The following PWWP2B variants were observed in gnomAD, a reference collection of about 807,000 sequenced individuals.
PWWP2B encodes the protein PWWP domain-containing protein 2B.
PWWP2B carries 9 observed loss-of-function variants against 15.5 expected under a neutral mutation model. The observed-to-expected ratio is 0.58, with a 90% CI of 0.35 to 1.02. The LOEUF (loss-of-function observed/expected upper bound fraction) is 1.02, where lower values mean the gene tolerates loss of function less well. Ranked by LOEUF, PWWP2B falls within the 50% of genes least tolerant of loss-of-function variation. The pLI is 0.02. For synonymous variants in PWWP2B, 474 were observed against 403.6 expected, an observed-to-expected ratio of 1.17 and a Z score of -2.09; for missense variants, 864 against 865.3, an observed-to-expected ratio of 1.00 and a Z score of 0.02.
intron 2 of PWWP2B, among the ~76,000 whole-genome samples, chr10:132,415,343 C>T (rs2069832777): frequency 6.6e-6 from 1 of 150,806 alleles, no homozygotes; most frequent in African/African-American, 2.4e-5. Context: ...CACACATATC[C>T]ACTCACACAC....
intron 1 of PWWP2B, among the ~76,000 whole-genome samples, chr10:132,404,048 ACGG>A (rs2069648254): frequency 1.8e-5 from 1 of 55,048 alleles, no homozygotes; most frequent in Non-Finnish European, 3.4e-5. Flanking sequence ...CTCCTGCAGG[ACGG>A]CATTCTCCAG....
At chr10:132,404,452 G>A (rs1159459607) in intron 1 of PWWP2B, among the ~76,000 whole-genome samples, 174 bp from the exon 2 acceptor site, 2 of 152,164 alleles carry the variant, frequency 1.3e-5, no homozygotes, top group Non-Finnish European at 2.9e-5. Flanking sequence ...CAGGACATAC[G>A]TAGGGAGCAT....
intron 1 of PWWP2B, among the ~76,000 whole-genome samples, chr10:132,400,396 C>T (rs1021333744): frequency 9.2e-5 from 14 of 152,136 alleles, no homozygotes; most frequent in African/African-American, 2.9e-4. Flanking sequence ...ATGCTGACGG[C>T]TCATAAACCC....
At chr10:132,413,443 T>C (rs1455614053) in intron 2 of PWWP2B, among the ~76,000 whole-genome samples, 1 of 152,174 alleles carries the variant, frequency 6.6e-6, no homozygotes, top group East Asian at 1.9e-4. Flanking sequence ...GCCCGTCTTT[T>C]TGTCCTGGGG....
chr10:132,415,284 TCA>T (rs762845811), intron 2 of PWWP2B, among the ~76,000 whole-genome samples: 7 of 122,194 alleles, frequency 5.7e-5, no homozygotes, highest in African/African-American at 1.6e-4. Flanking sequence ...ACATCCACTC[TCA>T]CACACATATC....
chr10:132,415,493 TCACA>T (rs146296023), intron 2 of PWWP2B, among the ~76,000 whole-genome samples: 8 of 122,100 alleles, frequency 6.6e-5, no homozygotes, highest in Admixed American at 7.8e-5. Context: ...ACACACCCAC[TCACA>T]CACATCCACT....
rs1425772073 is a variant in PWWP2B at position 132,405,007 on chromosome 10, C to G, written c.507C>G (p.Ile169Met). 2 of 1,541,932 alleles carry G rather than the reference C, an allele frequency of 1.3e-6. No individual in the cohort carries two copies. Among genetic ancestry groups the G allele is most frequent in the African/African-American group, 2.8e-5 (2 of 72,692 alleles). ...RDPGRLILST[I>M]RLRPRQVLCE... is the part of the protein sequence containing the mutation. ...CGGGGCGCCTCATCCTCAGCACCATCCGCCTGCGGCCGCGCCAGGTGCTCT... is the reference window on the plus strand; with the variant it reads ...CGGGGCGCCTCATCCTCAGCACCATGCGCCTGCGGCCGCGCCAGGTGCTCT... Residue 169 changes from isoleucine to methionine, a missense_variant, in exon 2 of 3, where the codon ATC becomes ATG. By Grantham distance (10) the Ile-to-Met change is conservative. This residue lies in a region of PWWP2B where 736 missense variants were observed against 687.7 expected (regional missense o/e 1.07). Transcript: ENST00000305233.
rs145933816 is a variant in PWWP2B, at chr10:132,405,915, T to C, written c.1415T>C (p.Leu472Pro). 236 of 1,612,732 alleles carry C rather than the reference T, an allele frequency of 1.5e-4. No homozygotes were observed. Among genetic ancestry groups the C allele is most frequent in the Non-Finnish European group, 2.0e-4 (235 of 1,179,708 alleles). ...RQTVPPLTVRLHTQSVSECIT... is the reference protein window; with the variant it reads ...RQTVPPLTVRPHTQSVSECIT... ...ACGGTGCCGCCCCTGACGGTCAGGCTGCACACACAGAGCGTGTCGGAGTGC... is the reference window on the plus strand; with the variant it reads ...ACGGTGCCGCCCCTGACGGTCAGGCCGCACACACAGAGCGTGTCGGAGTGC... The change falls in exon 2 of 3, where the codon CTG becomes CCG. Residue 472 changes from leucine to proline, a missense_variant. Coordinates refer to ENST00000305233, the MANE Select transcript of PWWP2B (RefSeq NM_138499.4).
chr10:132,414,845 G>A (rs7901841), intron 2 of PWWP2B, among the ~76,000 whole-genome samples: 2 of 152,162 alleles, frequency 1.3e-5, no homozygotes, highest in Non-Finnish European at 2.9e-5. Flanking sequence ...AGGCACTGAC[G>A]CATGGCTCTG....
chr10:132,410,119 C>T (rs1018624354), intron 2 of PWWP2B, among the ~76,000 whole-genome samples: 12 of 152,124 alleles, frequency 7.9e-5, no homozygotes, highest in Admixed American at 3.3e-4. Flanking sequence ...AAAGCAGTGA[C>T]CTCCAGCTGT....
intron 1 of PWWP2B, among the ~76,000 whole-genome samples, chr10:132,398,195 C>T (rs1416792425): frequency 1.3e-5 from 2 of 152,238 alleles, no homozygotes; most frequent in Non-Finnish European, 2.9e-5. Flanking sequence ...TTTTTCCATC[C>T]GTGGAGCCCA....
At position 132,405,914 on chromosome 10, in the gene PWWP2B, C is replaced by T. The variant is rs2069692536; in HGVS notation, c.1414C>T (p.Leu472=). 1.9e-6 allele frequency: 3 copies of T among 1,612,582 alleles called. No individual in the cohort carries two copies. Among genetic ancestry groups the T allele is most frequent in the Admixed American group, 1.7e-5 (1 of 60,004 alleles). Residue 472 remains leucine (L), a synonymous_variant, in exon 2 of 3, where the codon CTG becomes TTG. Transcript: ENST00000305233. ...RQTVPPLTVR[L]HTQSVSECIT... ...AACGGTGCCGCCCCTGACGGTCAGG[C>T]TGCACACACAGAGCGTGTCGGAGTG...
intron 2 of PWWP2B, among the ~76,000 whole-genome samples, chr10:132,412,177 C>T (rs1342055724): frequency 1.3e-5 from 2 of 152,224 alleles, no homozygotes; most frequent in Admixed American, 6.5e-5. Flanking sequence ...GGTCAGATGC[C>T]TGGGACATGG....
chr10:132,409,307 G>C (rs2069746147), intron 2 of PWWP2B, among the ~76,000 whole-genome samples: 1 of 152,240 alleles, frequency 6.6e-6, no homozygotes, highest in Non-Finnish European at 1.5e-5. Flanking sequence ...CATGGGATTA[G>C]AGCTGAGGTC....
Position 132,404,982 on chromosome 10 carries a change from C to G in PWWP2B, c.482C>G (p.Pro161Arg). The change falls in exon 2 of 3, where the codon CCG (proline) becomes CGG (arginine). Residue 161 changes from proline (P) to arginine (R), a missense_variant. Transcript: ENST00000305233. The stretch of plus-strand genomic sequence containing the variant: ...CGGCGTCTGTCCCGCAACCGCGACC[C>G]GGGGCGCCTCATCCTCAGCACCATC... ...TRRRLSRNRD[P>R]GRLILSTIRL... is the part of the protein sequence containing the mutation. 1 of 1,573,092 alleles carries G rather than the reference C, an allele frequency of 6.4e-7. No homozygotes were observed. Among genetic ancestry groups the G allele is most frequent in the Non-Finnish European group, 8.6e-7 (1 of 1,167,222 alleles).
intron 2 of PWWP2B, among the ~76,000 whole-genome samples, chr10:132,408,162 G>A (rs1310277683): frequency 6.6e-6 from 1 of 152,246 alleles, no homozygotes; most frequent in Non-Finnish European, 1.5e-5. Flanking sequence ...GGGAGTGGGG[G>A]TGCCGGATCC....
rs778710643 is a variant in PWWP2B at position 132,405,896 on chromosome 10, C to A, written c.1396C>A (p.Pro466Thr). The change falls in exon 2 of 3, where the codon CCG (proline) becomes ACG (threonine). Residue 466 changes from proline to threonine, a missense_variant. Pro to Thr is a conservative substitution (Grantham distance 38, BLOSUM62 -1). Coordinates refer to ENST00000305233, the MANE Select transcript of PWWP2B (RefSeq NM_138499.4). ...GTCCAGAGAGGCTCGCCAAACGGTGCCGCCCCTGACGGTCAGGCTGCACAC... is the reference window on the plus strand; with the variant it reads ...GTCCAGAGAGGCTCGCCAAACGGTGACGCCCCTGACGGTCAGGCTGCACAC... ...SVSREARQTV[P>T]PLTVRLHTQS... The A allele has an allele frequency of 3.1e-6, 5 of 1,611,748 alleles. No individual in the cohort carries two copies. Among genetic ancestry groups the A allele is most frequent in the Non-Finnish European group, 1.7e-6 (2 of 1,179,124 alleles).
Position 132,417,342 on chromosome 10 carries a change from G to A in PWWP2B, c.*298G>A, listed in dbSNP as rs1056389077. The A allele has an allele frequency of 2.6e-5, 13 of 507,250 alleles. No homozygotes were observed. The highest frequency in any genetic ancestry group is 1.5e-4 in the Admixed American group (4 of 26,884). 31.4% of individuals were successfully genotyped at this position (507,250 alleles called of 1,614,324 possible). A position where few individuals can be genotyped will look rare whatever the true frequency, so the allele number is the denominator to read the frequency against. On this transcript the variant is annotated 3_prime_UTR_variant, in exon 3 of 3. Coordinates refer to ENST00000305233, the MANE Select transcript of PWWP2B (RefSeq NM_138499.4). ...GCTGGCTGCTGGCTGCTGCTGCCTCGCGCGCTGGGGTTCCATGGAGGAACT... is the reference window on the plus strand; with the variant it reads ...GCTGGCTGCTGGCTGCTGCTGCCTCACGCGCTGGGGTTCCATGGAGGAACT...
chr10:132,415,661 TCACA>T (rs200481615), intron 2 of PWWP2B, among the ~76,000 whole-genome samples: 3 of 128,228 alleles, frequency 2.3e-5, no homozygotes, highest in South Asian at 2.4e-4. Flanking sequence ...ACACATGCAC[TCACA>T]CACTCACACA....
Sources: allele counts gnomAD v4.1 joint callset (sites outside exome capture counted in the v4.1 genomes callset), GRCh38; gene constraint gnomAD v4.1.1; regional missense constraint gnomAD v4.1.1; transcripts MANE v1.5; gene names NCBI Gene and HGNC (gene_info 2026-07-23, HGNC 2026-07-21).